The following CDK5RAP2 variants were observed in gnomAD, a reference collection of about 807,000 sequenced individuals.
The protein encoded by CDK5RAP2 is CDK5 regulatory subunit-associated protein 2.
CDK5RAP2 carries 147 observed loss-of-function variants against 232.9 expected under a neutral mutation model. That is an observed-to-expected ratio of 0.63 (90% CI 0.55 to 0.72). The LOEUF (loss-of-function observed/expected upper bound fraction) is 0.72. Ranked by LOEUF, CDK5RAP2 falls within the 30% of genes least tolerant of loss-of-function variation. CDK5RAP2 has a pLI of 0.00. For synonymous variants in CDK5RAP2, 833 were observed against 833.7 expected, an observed-to-expected ratio of 1.00 and a Z score of 0.01; for missense variants, 2,195 against 2,231.5, an observed-to-expected ratio of 0.98 and a Z score of 0.33.
chr9:120,570,346 G>A (rs962144995), intron 2 of CDK5RAP2, among the ~76,000 whole-genome samples: 1 of 152,102 alleles, frequency 6.6e-6, no homozygotes, highest in African/African-American at 2.4e-5. Context: ...ACTCTAGCCT[G>A]ACCCACCTCC....
At chr9:120,548,937 A>C (rs979481482) in intron 4 of CDK5RAP2, among the ~76,000 whole-genome samples, 1 of 152,252 alleles carries the variant, frequency 6.6e-6, no homozygotes, top group Non-Finnish European at 1.5e-5. Context: ...CAGGTGGATC[A>C]CTTGAGGCCA....
chr9:120,540,446 G>A (rs575607160), intron 5 of CDK5RAP2, among the ~76,000 whole-genome samples: 1 of 152,290 alleles, frequency 6.6e-6, no homozygotes, highest in East Asian at 1.9e-4. Flanking sequence ...TTTTTACTGA[G>A]AACAATGGAA....
At position 120,437,384 on chromosome 9, in the gene CDK5RAP2, T is replaced by A; in HGVS notation, c.3866A>T (p.Asp1289Val). ...KAFEELLQAS[D>V]VDYCVAEGFQ... Reference sequence around the variant, plus strand: ...ACCCTCGGCCACACAGTAATCCACATCACTGGCCTGCAGCAACTCCTCAAA... The same window carrying A: ...ACCCTCGGCCACACAGTAATCCACAACACTGGCCTGCAGCAACTCCTCAAA... The change falls in exon 25 of 38, where the codon GAT becomes GTT. Residue 1289 changes from aspartate to valine, a missense_variant. Coordinates refer to ENST00000349780, the MANE Select transcript of CDK5RAP2 (RefSeq NM_018249.6). 4 of 1,614,116 alleles carry A rather than the reference T, an allele frequency of 2.5e-6. No individual in the cohort carries two copies. The highest frequency in any genetic ancestry group is 3.4e-6 in the Non-Finnish European group (4 of 1,180,000).
In CDK5RAP2 at chr9:120,539,042, T is replaced by G. The variant is rs535816514; in HGVS notation, c.506A>C (p.Lys169Thr). ...LLTKRILLLE[K>T]DVTAAQAELE... ...TGCCCTCAGGATTTCCAGACTTGCCTTTTCCAAAAGGAGTATTCTTTTAGT... is the reference window on the plus strand; with the variant it reads ...TGCCCTCAGGATTTCCAGACTTGCCGTTTCCAAAAGGAGTATTCTTTTAGT... Residue 169 changes from lysine (K) to threonine (T), a missense_variant and splice_region_variant, in exon 6 of 38, where the codon AAG becomes ACG. Physicochemically the swap from Lys to Thr is moderately conservative, Grantham distance 78. Coordinates refer to ENST00000349780, the MANE Select transcript of CDK5RAP2 (RefSeq NM_018249.6). 16 of 1,613,696 alleles carry G rather than the reference T, an allele frequency of 9.9e-6. 1 individual carries two copies. The highest frequency in any genetic ancestry group is 8.0e-5 in the African/African-American group (6 of 74,926).
chr9:120,433,482 A>AAG (rs2035397240), intron 25 of CDK5RAP2, among the ~76,000 whole-genome samples: 1 of 152,246 alleles, frequency 6.6e-6, no homozygotes, highest in South Asian at 2.1e-4. Flanking sequence ...AGGTGAAAGA[A>AAG]GAAACTGAGG....
intron 3 of CDK5RAP2, among the ~76,000 whole-genome samples, chr9:120,561,077 C>G (rs1274333280): frequency 6.6e-6 from 1 of 152,118 alleles, no homozygotes; most frequent in Non-Finnish European, 1.5e-5. Flanking sequence ...CACTGTTAGA[C>G]TTCACCTAGC....
Position 120,555,180 on chromosome 9 carries a change from G to T in CDK5RAP2, c.196-4278C>A, listed in dbSNP as rs60264484. On this transcript the variant is annotated intron_variant, in intron 3 of 37. Transcript: ENST00000349780. The stretch of plus-strand genomic sequence containing the variant: ...TGGGTAGACGGAGTCTCGCTTTATT[G>T]CCCAGGCTTGGCACAATCTTGGCTC... 4.0e-3 allele frequency among the ~76,000 whole-genome samples: 612 copies of T among 152,080 alleles called. 7 individuals are homozygous for T. The highest frequency in any genetic ancestry group is 0.014 in the African/African-American group (584 of 41,480).
At chr9:120,537,658 C>G (rs1375741658) in intron 6 of CDK5RAP2, among the ~76,000 whole-genome samples, 1 of 150,386 alleles carries the variant, frequency 6.6e-6, no homozygotes, top group Non-Finnish European at 1.5e-5. Context: ...GAGCAAGTGA[C>G]TTAGCCACAC....
intron 17 of CDK5RAP2, among the ~76,000 whole-genome samples, chr9:120,469,236 A>T (rs1342634623): frequency 6.6e-6 from 1 of 151,958 alleles, no homozygotes; most frequent in Non-Finnish European, 1.5e-5. Flanking sequence ...ACCTGGGCAA[A>T]CTCCGAATTC....
chr9:120,437,629 C>T, intron 24 of CDK5RAP2, 102 bp from the exon 25 acceptor site: 2 of 847,374 alleles, frequency 2.4e-6, no homozygotes, highest in South Asian at 2.8e-5. Context: ...TTTTAAAAGC[C>T]TGCAGCTGTA....
chr9:120,404,575 C>T (rs950091636), intron 32 of CDK5RAP2, among the ~76,000 whole-genome samples: 8 of 152,156 alleles, frequency 5.3e-5, no homozygotes, highest in Non-Finnish European at 1.2e-4. Flanking sequence ...GTGGAATCAT[C>T]GCTCAGGGAG....
chr9:120,447,630 T>G (rs960420350), intron 22 of CDK5RAP2, among the ~76,000 whole-genome samples: 7 of 152,200 alleles, frequency 4.6e-5, no homozygotes, highest in African/African-American at 1.7e-4. Context: ...GGACAATCCT[T>G]AGTGAAGGCA....
At chr9:120,540,830 C>T (rs976953217) in intron 5 of CDK5RAP2, among the ~76,000 whole-genome samples, 5 of 152,268 alleles carry the variant, frequency 3.3e-5, no homozygotes, top group African/African-American at 1.2e-4. Flanking sequence ...AGCCCTTGGC[C>T]TCTGAGGCCC....
Position 120,394,463 on chromosome 9 carries a change from C to T in CDK5RAP2, c.5578+49G>A, listed in dbSNP as rs200816141. On this transcript the variant is annotated intron_variant, in intron 36 of 37. Coordinates refer to ENST00000349780, the MANE Select transcript of CDK5RAP2 (RefSeq NM_018249.6). Reference sequence around the variant, plus strand: ...AATCCAGGGCAGAACTGGGAGCCCTCGGAGGCAGGAAGTGGTCAGGCATAG... The same window carrying T: ...AATCCAGGGCAGAACTGGGAGCCCTTGGAGGCAGGAAGTGGTCAGGCATAG... 5.6e-6 allele frequency: 9 copies of T among 1,613,214 alleles called. No individual in the cohort carries two copies. In the East Asian group the frequency reaches 8.9e-5, roughly 16 times the overall value.
chr9:120,457,709 AT>A (rs1443980137), intron 20 of CDK5RAP2, among the ~76,000 whole-genome samples: 2 of 152,216 alleles, frequency 1.3e-5, no homozygotes, highest in African/African-American at 4.8e-5. Flanking sequence ...TTACCGTTCC[AT>A]TTCTCTATCC....
At chr9:120,455,645 A>AG (rs2036728431) in intron 20 of CDK5RAP2, among the ~76,000 whole-genome samples, 1 of 151,902 alleles carries the variant, frequency 6.6e-6, no homozygotes, top group Non-Finnish European at 1.5e-5. Flanking sequence ...CGGGAGGCTG[A>AG]GGTGGGAGGA....
At chr9:120,559,716 A>G (rs2042394578) in intron 3 of CDK5RAP2, among the ~76,000 whole-genome samples, 1 of 152,184 alleles carries the variant, frequency 6.6e-6, no homozygotes. Flanking sequence ...TGTATTTGCC[A>G]CATTCCAGCC....
intron 32 of CDK5RAP2, among the ~76,000 whole-genome samples, chr9:120,404,931 C>T (rs1223294550): frequency 3.9e-5 from 6 of 152,326 alleles, no homozygotes; most frequent in Non-Finnish European, 7.3e-5. Context: ...GGGCAAAACA[C>T]ACTGTAATTC....
chr9:120,571,850 C>T, intron 2 of CDK5RAP2, 124 bp downstream of exon 2: 1 of 753,174 alleles, frequency 1.3e-6, no homozygotes, highest in South Asian at 1.4e-5. Flanking sequence ...ATACTGAGCA[C>T]CTACGGTGTG....
Sources: allele counts gnomAD v4.1 joint callset (sites outside exome capture counted in the v4.1 genomes callset), GRCh38; gene constraint gnomAD v4.1.1; transcripts MANE v1.5; gene names NCBI Gene and HGNC (gene_info 2026-07-23, HGNC 2026-07-21).